Variants in CLVS1 observed in about 807,000 individuals in gnomAD.
CLVS1 encodes clavesin-1.
Under a neutral mutation model 33.1 loss-of-function variants are expected in CLVS1, and 10 were observed. That is an observed-to-expected ratio of 0.30 (90% CI 0.19 to 0.51). The LOEUF (loss-of-function observed/expected upper bound fraction) is 0.51. Among genes scored for constraint, CLVS1 ranks in the 20% least tolerant of loss-of-function variants. The probability of loss-of-function intolerance (pLI) is 0.97; values close to 1 mark genes in which losing one functional copy is unlikely to be tolerated. For missense variants in CLVS1, 343 were observed against 433.4 expected, an observed-to-expected ratio of 0.79 and a Z score of 1.85; for synonymous variants, 163 against 166.1, an observed-to-expected ratio of 0.98 and a Z score of 0.14.
intron 2 of CLVS1, among the ~76,000 whole-genome samples, chr8:61,206,339 T>C (rs1378134480): frequency 1.3e-5 from 2 of 152,158 alleles, no homozygotes; most frequent in Non-Finnish European, 2.9e-5. Flanking sequence ...GGCAAGGAAG[T>C]GTGCAGTAGG....
intron 2 of CLVS1, among the ~76,000 whole-genome samples, chr8:61,220,169 C>G (rs1293655494): frequency 6.6e-6 from 1 of 152,108 alleles, no homozygotes; most frequent in East Asian, 1.9e-4. Flanking sequence ...TTAATTAGAT[C>G]CCATTTGTCA....
chr8:61,384,381 A>G (rs1347491440), intron 3 of CLVS1, among the ~76,000 whole-genome samples: 1 of 152,196 alleles, frequency 6.6e-6, no homozygotes, highest in Non-Finnish European at 1.5e-5. Context: ...AGGCAGGAGA[A>G]CCAATTAAAA....
chr8:61,326,101 C>T lies in CLVS1; in HGVS notation c.455+25819C>T, dbSNP rs2129596765. Among the ~76,000 whole-genome samples, 2 of 152,288 alleles carry T rather than the reference C, an allele frequency of 1.3e-5. 1 individual carries two copies. Among genetic ancestry groups the T allele is most frequent in the South Asian group, 4.1e-4 (2 of 4,826 alleles). On this transcript the variant is annotated intron_variant, in intron 2 of 5. Transcript: ENST00000325897. ...TTCCGTACTGCTCTTCCAGCTTTTA[C>T]TAATAGTCTTTTCACTGCCTTTCAG...
intron 2 of CLVS1, among the ~76,000 whole-genome samples, chr8:61,357,662 T>C (rs1057419135): frequency 6.6e-6 from 1 of 151,582 alleles, no homozygotes; most frequent in African/African-American, 2.4e-5. Flanking sequence ...CCTGCCACCA[T>C]GTCTGGCTAA....
chr8:61,039,380 C>T, the CLVS1 span, among the ~76,000 whole-genome samples: 3 of 152,174 alleles, frequency 2.0e-5, no homozygotes, highest in African/African-American at 7.2e-5. Context: ...ACACACTGTA[C>T]AGTCAAGCTA....
the CLVS1 span, among the ~76,000 whole-genome samples, chr8:60,993,419 C>G: frequency 2.0e-5 from 3 of 152,310 alleles, no homozygotes; most frequent in Admixed American, 2.0e-4. Flanking sequence ...AACCTGTGGG[C>G]CCCACTGTGT....
intron 1 of CLVS1, among the ~76,000 whole-genome samples, chr8:61,088,798 T>G (rs940812030): frequency 4.0e-4 from 60 of 149,364 alleles, no homozygotes; most frequent in Non-Finnish European, 6.9e-4. Context: ...TTTTCTTTTC[T>G]TTTCTTTTTC....
intron 5 of CLVS1, among the ~76,000 whole-genome samples, chr8:61,490,305 A>G (rs1035965152): frequency 2.6e-5 from 4 of 151,776 alleles, no homozygotes; most frequent in African/African-American, 9.7e-5. Context: ...CCTGGGCAAC[A>G]AAAGCAAAAC....
chr8:61,443,119 A>G (rs1450472765), intron 3 of CLVS1, among the ~76,000 whole-genome samples: 1 of 152,178 alleles, frequency 6.6e-6, no homozygotes, highest in Non-Finnish European at 1.5e-5. Flanking sequence ...AGCTTATTAT[A>G]TATTCTAGAT....
intron 2 of CLVS1, among the ~76,000 whole-genome samples, chr8:61,228,942 G>A (rs1808381415): frequency 6.6e-6 from 1 of 152,152 alleles, no homozygotes; most frequent in Admixed American, 6.5e-5. Flanking sequence ...TCATGTGGTA[G>A]TTCTATTTTT....
intron 2 of CLVS1, among the ~76,000 whole-genome samples, chr8:61,319,455 C>A (rs1802464454): frequency 6.6e-6 from 1 of 152,176 alleles, no homozygotes; most frequent in Admixed American, 6.5e-5. Context: ...CTCTTCACTC[C>A]TGTTACAACT....
chr8:61,088,970 T>C (rs1256593923), intron 1 of CLVS1, among the ~76,000 whole-genome samples: 1 of 151,906 alleles, frequency 6.6e-6, no homozygotes, highest in Non-Finnish European at 1.5e-5. Context: ...CCTGGCTAAT[T>C]TTTTTGTATT....
At position 61,209,771 on chromosome 8, in the gene CLVS1, C is replaced by T. The variant is rs571544956; in HGVS notation, c.-152+77911C>T. Among the ~76,000 whole-genome samples the T allele has an allele frequency of 2.6e-5, 4 of 152,286 alleles. No homozygotes were observed. In the South Asian group the frequency reaches 8.3e-4, roughly 32 times the overall value. On this transcript the variant is annotated intron_variant, in intron 2 of 2. Transcript: ENST00000522621. ...GATAGCCAATTAAATAGATGAATTT[C>T]AAGGTCAGTGTGGTAGGCAGAATTC...
chr8:61,450,321 AC>A (rs1816907949), intron 3 of CLVS1, among the ~76,000 whole-genome samples: 1 of 152,192 alleles, frequency 6.6e-6, no homozygotes, highest in African/African-American at 2.4e-5. Context: ...AGCAAAAAAA[AC>A]TTATGCTTAT....
intron 1 of CLVS1, among the ~76,000 whole-genome samples, chr8:61,062,768 G>A (rs1295616819): frequency 1.3e-5 from 2 of 152,140 alleles, no homozygotes; most frequent in Non-Finnish European, 2.9e-5. Context: ...CAGTCATTCA[G>A]CTTCTCCATA....
At chr8:61,001,121 C>T in the CLVS1 span, among the ~76,000 whole-genome samples, 2 of 152,248 alleles carry the variant, frequency 1.3e-5, no homozygotes, top group African/African-American at 2.4e-5. Flanking sequence ...TCCCCTGTGG[C>T]GCCTTTTGCT....
chr8:61,231,442 G>C (rs940637551), intron 2 of CLVS1, among the ~76,000 whole-genome samples: 1 of 151,986 alleles, frequency 6.6e-6, no homozygotes, highest in East Asian at 1.9e-4. Flanking sequence ...TGAGTGTCAG[G>C]GTAGGTCTCT....
chr8:61,248,924 T>C (rs1001165189), intron 2 of CLVS1, among the ~76,000 whole-genome samples: 3 of 152,116 alleles, frequency 2.0e-5, no homozygotes, highest in Non-Finnish European at 4.4e-5. Context: ...ATGCACTTCT[T>C]TTTTTTATAC....
At chr8:61,291,637 A>T (rs1809996186) in intron 1 of CLVS1, among the ~76,000 whole-genome samples, 1 of 152,074 alleles carries the variant, frequency 6.6e-6, no homozygotes, top group African/African-American at 2.4e-5. Context: ...AACAAAACCC[A>T]TGAGATCTTT....
Sources: allele counts gnomAD v4.1 joint callset (sites outside exome capture counted in the v4.1 genomes callset), GRCh38; gene constraint gnomAD v4.1.1; transcripts MANE v1.5; gene names NCBI Gene and HGNC (gene_info 2026-07-23, HGNC 2026-07-21).